Variants in IGF1R observed in about 807,000 individuals in gnomAD.
IGF1R encodes the protein insulin like growth factor 1 receptor.
A neutral mutation model predicts 144.6 loss-of-function variants in IGF1R; 44 were observed. That is an observed-to-expected ratio of 0.30 (90% CI 0.24 to 0.39). The LOEUF (loss-of-function observed/expected upper bound fraction) is 0.39, where lower values mean the gene tolerates loss of function less well. Ranked by LOEUF, IGF1R falls within the 10% of genes least tolerant of loss-of-function variation. The pLI is 1.00. For synonymous variants in IGF1R, 795 were observed against 722.8 expected (o/e 1.10, Z -1.60); for missense variants, 1,355 against 1,833.7 (o/e 0.74, Z 4.77).
intron 2 of IGF1R, among the ~76,000 whole-genome samples, chr15:98,830,679 C>T (rs1023672379): frequency 3.3e-5 from 5 of 149,686 alleles, no homozygotes; most frequent in Non-Finnish European, 5.9e-5. Context: ...TCTTGGCTCA[C>T]TGCAACCTCC....
At chr15:98,750,308 T>C (rs920609700) in intron 2 of IGF1R, among the ~76,000 whole-genome samples, 3 of 152,116 alleles carry the variant, frequency 2.0e-5, no homozygotes, top group African/African-American at 7.2e-5. Flanking sequence ...CCTGAGACTT[T>C]GTGGGTCACA....
intron 2 of IGF1R, among the ~76,000 whole-genome samples, chr15:98,741,293 T>G (rs1487759748): frequency 7.0e-6 from 1 of 142,172 alleles, no homozygotes; most frequent in Admixed American, 7.3e-5. Flanking sequence ...GCTGAAAAAC[T>G]CTTGGCTTTT....
At chr15:98,923,669 G>T (rs1014490484) in intron 11 of IGF1R, 6 of 584,196 alleles carry the variant, frequency 1.0e-5, no homozygotes, top group Non-Finnish European at 1.5e-5. Context: ...TGAACCCTCC[G>T]CTGTGTGAGC....
chr15:98,850,166 C>G (rs550272428), intron 2 of IGF1R, among the ~76,000 whole-genome samples: 3 of 152,226 alleles, frequency 2.0e-5, no homozygotes, highest in Non-Finnish European at 4.4e-5. Context: ...AGGGTGATAG[C>G]TCCCAAGCTT....
At chr15:98,779,050 C>T (rs2055789510) in intron 2 of IGF1R, among the ~76,000 whole-genome samples, 1 of 152,198 alleles carries the variant, frequency 6.6e-6, no homozygotes, top group Non-Finnish European at 1.5e-5. Flanking sequence ...TTCTTACTAG[C>T]ATCACTGTCA....
At chr15:98,930,751 A>G (rs1004487600) in intron 15 of IGF1R, among the ~76,000 whole-genome samples, 3 of 151,224 alleles carry the variant, frequency 2.0e-5, no homozygotes, top group African/African-American at 4.9e-5. Flanking sequence ...TTTTTTTATC[A>G]TGGAATTTTT....
chr15:98,842,972 T>C (rs1482394664), intron 2 of IGF1R, among the ~76,000 whole-genome samples: 1 of 152,220 alleles, frequency 6.6e-6, no homozygotes, highest in Non-Finnish European at 1.5e-5. Context: ...AATGGCAATA[T>C]GTGTAACGTG....
Position 98,891,960 on chromosome 15 carries a change from G to A in IGF1R, c.953+323G>A, listed in dbSNP as rs1356442718. On this transcript the variant is annotated intron_variant, in intron 3 of 20. Coordinates refer to ENST00000650285, the MANE Select transcript of IGF1R (RefSeq NM_000875.5). The surrounding 1 kb of genome is among the most constrained non-coding windows in gnomAD (Gnocchi z 4.7). ...GTACTTGCCAAGCTGCCATCTAAGA[G>A]ACAGGGAACTGTAGTTTTGGATTTT... is the stretch of plus-strand genomic sequence containing the variant. Among the ~76,000 whole-genome samples, 1 of 152,170 alleles carries A rather than the reference G, an allele frequency of 6.6e-6. No homozygotes were observed. Among genetic ancestry groups the A allele is most frequent in the African/African-American group, 2.4e-5 (1 of 41,434 alleles).
At chr15:98,948,446 C>T (rs1395156331) in intron 19 of IGF1R, 128 bp from the exon 20 acceptor site, 4 of 988,176 alleles carry the variant, frequency 4.0e-6, no homozygotes, top group East Asian at 4.8e-5. Context: ...GGCTCGCTGT[C>T]TGACAAGCAC....
At chr15:98,712,054 G>A (rs2054005838) in intron 2 of IGF1R, among the ~76,000 whole-genome samples, 1 of 152,268 alleles carries the variant, frequency 6.6e-6, no homozygotes, top group African/African-American at 2.4e-5. Context: ...CCATCATACT[G>A]GGGATTAGGT....
At chr15:98,737,049 G>T (rs544316759) in intron 2 of IGF1R, among the ~76,000 whole-genome samples, 1 of 152,176 alleles carries the variant, frequency 6.6e-6, no homozygotes, top group African/African-American at 2.4e-5. Flanking sequence ...TTCTGGAAAC[G>T]ACCCAGTCCC....
intron 2 of IGF1R, among the ~76,000 whole-genome samples, chr15:98,825,229 A>G (rs914362394): frequency 2.6e-5 from 4 of 152,214 alleles, no homozygotes; most frequent in African/African-American, 9.7e-5. Flanking sequence ...GTGGCACCAT[A>G]TACAGTTTTC....
Position 98,923,862 on chromosome 15 carries a change from T to A in IGF1R, c.2486-14T>A. ...AACCCAAATCCAACTTTGTCACCTG[T>A]TTAAATTGTACAGAAGGAGCAGATG... On this transcript the variant is annotated splice_polypyrimidine_tract_variant and intron_variant, in intron 11 of 20. Coordinates refer to ENST00000650285, the MANE Select transcript of IGF1R (RefSeq NM_000875.5). 1 of 1,613,242 alleles carries A rather than the reference T, an allele frequency of 6.2e-7. No individual in the cohort carries two copies.
rs1398456224 is a variant in IGF1R at position 98,704,790 on chromosome 15, G to T, written c.95-2772G>T. ...GTGTGTAGGGTTGTTGAGGAACAGCGTGCTGCACAGGGAGGAAAGACGTGG... is the reference window on the plus strand; with the variant it reads ...GTGTGTAGGGTTGTTGAGGAACAGCTTGCTGCACAGGGAGGAAAGACGTGG... On this transcript the variant is annotated intron_variant, in intron 1 of 20. Transcript: ENST00000650285. This position sits in a 1 kb window ranked among gnomAD's most constrained non-coding sequence, Gnocchi z 4.9. Among the ~76,000 whole-genome samples the T allele has an allele frequency of 6.6e-6, 1 of 152,076 alleles. No individual in the cohort carries two copies. The highest frequency in any genetic ancestry group is 2.4e-5 in the African/African-American group (1 of 41,388).
intron 2 of IGF1R, among the ~76,000 whole-genome samples, chr15:98,815,678 C>T (rs1013984058): frequency 6.6e-6 from 1 of 152,150 alleles, no homozygotes; most frequent in African/African-American, 2.4e-5. Flanking sequence ...CCATCTGGTC[C>T]AAAGGAGAGT....
At chr15:98,845,855 T>C (rs1000741984) in intron 2 of IGF1R, among the ~76,000 whole-genome samples, 1 of 152,170 alleles carries the variant, frequency 6.6e-6, no homozygotes, top group African/African-American at 2.4e-5. Flanking sequence ...GCAGTGAATC[T>C]TAAAGGTGCC....
intron 2 of IGF1R, among the ~76,000 whole-genome samples, chr15:98,808,266 A>T (rs1467732483): frequency 2.6e-5 from 4 of 152,252 alleles, no homozygotes; most frequent in Non-Finnish European, 5.9e-5. Context: ...AACTACAGTG[A>T]AATAGCTCTT....
At chr15:98,866,540 T>A (rs978123897) in intron 2 of IGF1R, among the ~76,000 whole-genome samples, 12 of 152,222 alleles carry the variant, frequency 7.9e-5, no homozygotes, top group Non-Finnish European at 1.5e-4. Context: ...AAATCTAACT[T>A]CTGATAAATT....
At chr15:98,680,204 C>A (rs189665970) in intron 1 of IGF1R, among the ~76,000 whole-genome samples, 1 of 152,052 alleles carries the variant, frequency 6.6e-6, no homozygotes, top group Non-Finnish European at 1.5e-5. Context: ...CACTGACTCA[C>A]CCGAGGGAGC....
Sources: allele counts gnomAD v4.1 joint callset (sites outside exome capture counted in the v4.1 genomes callset), GRCh38; gene constraint gnomAD v4.1.1; non-coding constraint Gnocchi (gnomAD v3.1); transcripts MANE v1.5; gene names NCBI Gene and HGNC (gene_info 2026-07-23, HGNC 2026-07-21).